Variants in CNTLN observed in about 807,000 individuals in gnomAD.
CNTLN encodes the protein centlein, centrosomal protein.
CNTLN carries 212 observed loss-of-function variants against 180.0 expected under a neutral mutation model. That is an observed-to-expected ratio of 1.18 (90% CI 1.05 to 1.32). The LOEUF (loss-of-function observed/expected upper bound fraction) is 1.32, where lower values mean the gene tolerates loss of function less well. Ranked by LOEUF, CNTLN falls within the 40% of genes most tolerant of loss-of-function variation. CNTLN has a pLI of 0.00. For missense variants in CNTLN, 2,095 were observed against 1,610.9 expected (o/e 1.30, Z -5.14); for synonymous variants, 722 against 563.1 (o/e 1.28, Z -3.99).
intron 18 of CNTLN, among the ~76,000 whole-genome samples, chr9:17,420,034 C>T (rs1344892255): frequency 6.6e-6 from 1 of 152,172 alleles, no homozygotes; most frequent in Non-Finnish European, 1.5e-5. Context: ...TCTGGCTCAG[C>T]CTCCTGAGTA....
chr9:17,273,437 ATGTATTAC>A (rs61214105), intron 5 of CNTLN, among the ~76,000 whole-genome samples: 17,964 of 152,092 alleles, frequency 0.12, 1,321 homozygotes, highest in African/African-American at 0.21. Context: ...TGTTCAGCTA[ATGTATTAC>A]TTTATTGTAC....
At chr9:17,360,160 C>T (rs947830305) in intron 12 of CNTLN, among the ~76,000 whole-genome samples, 34 of 152,086 alleles carry the variant, frequency 2.2e-4, no homozygotes, top group African/African-American at 8.2e-4. Flanking sequence ...CAAAATAATT[C>T]CTAGTTCCTC....
At position 17,155,236 on chromosome 9, in the gene CNTLN, T is replaced by C. The variant is rs1245571293; in HGVS notation, c.449+11860T>C. Reference sequence around the variant, plus strand: ...AGGGTCCGCAGCTTCATTCGTGAAGTCAGCGAGACCAAGAACCCACTAGAA... The same window carrying C: ...AGGGTCCGCAGCTTCATTCGTGAAGCCAGCGAGACCAAGAACCCACTAGAA... On this transcript the variant is annotated intron_variant, in intron 2 of 25. Coordinates refer to ENST00000380647, the MANE Select transcript of CNTLN (RefSeq NM_017738.4). Among the ~76,000 whole-genome samples, 3 of 152,178 alleles carry C rather than the reference T, an allele frequency of 2.0e-5. No individual in the cohort carries two copies. In the East Asian group the frequency reaches 5.8e-4, roughly 29 times the overall value.
chr9:17,342,245 A>G (rs1821538725), intron 11 of CNTLN, 80 bp from the exon 12 acceptor site: 1 of 1,401,766 alleles, frequency 7.1e-7, no homozygotes, highest in African/African-American at 1.5e-5. Context: ...AGATATTTTT[A>G]AATTTTAAGG....
At chr9:17,324,094 T>C (rs1444451474) in intron 8 of CNTLN, among the ~76,000 whole-genome samples, 1 of 152,194 alleles carries the variant, frequency 6.6e-6, no homozygotes, top group Non-Finnish European at 1.5e-5. Flanking sequence ...TGATAATGTA[T>C]AACAAGCATA....
At chr9:17,246,454 A>G (rs114153822) in intron 5 of CNTLN, among the ~76,000 whole-genome samples, 3,303 of 152,268 alleles carry the variant, frequency 0.022, 133 homozygotes, top group African/African-American at 0.076. Flanking sequence ...TGACACAAGC[A>G]CCCCTGTGAC....
At chr9:17,354,443 G>T (rs1043243267) in intron 12 of CNTLN, among the ~76,000 whole-genome samples, 2 of 152,146 alleles carry the variant, frequency 1.3e-5, no homozygotes, top group African/African-American at 2.4e-5. Flanking sequence ...CTAGCTCAGG[G>T]ATTGTAAATA....
chr9:17,328,572 C>T (rs1820450860), intron 8 of CNTLN, among the ~76,000 whole-genome samples: 2 of 152,116 alleles, frequency 1.3e-5, no homozygotes, highest in East Asian at 1.9e-4. Flanking sequence ...ATGTAAAACA[C>T]TTCTTGTAAA....
At chr9:17,428,045 G>A (rs993709135) in intron 18 of CNTLN, among the ~76,000 whole-genome samples, 2 of 152,148 alleles carry the variant, frequency 1.3e-5, no homozygotes, top group Admixed American at 6.5e-5. Context: ...TACAGAGAGT[G>A]CATTGTAATT....
chr9:17,412,564 A>G (rs1325006969), intron 16 of CNTLN, among the ~76,000 whole-genome samples: 2 of 152,224 alleles, frequency 1.3e-5, no homozygotes, highest in African/African-American at 2.4e-5. Flanking sequence ...CTTTCAGGGC[A>G]GTATTCAATA....
chr9:17,318,291 A>G (rs1819669565), intron 8 of CNTLN, among the ~76,000 whole-genome samples: 1 of 152,012 alleles, frequency 6.6e-6, no homozygotes, highest in African/African-American at 2.4e-5. Flanking sequence ...GGCCTCCCAA[A>G]GTGCTGGGAT....
chr9:17,295,891 A>G (rs1309045557), intron 6 of CNTLN, among the ~76,000 whole-genome samples: 1 of 152,080 alleles, frequency 6.6e-6, no homozygotes, highest in African/African-American at 2.4e-5. Context: ...GAGGTGGTAG[A>G]GAAAAATGTG....
chr9:17,341,597 A>G (rs1455395908), intron 11 of CNTLN, among the ~76,000 whole-genome samples: 1 of 152,172 alleles, frequency 6.6e-6, no homozygotes, highest in African/African-American at 2.4e-5. Flanking sequence ...TCATCTTTTG[A>G]GATGGATCCT....
chr9:17,188,735 A>G (rs1821594394), intron 2 of CNTLN, among the ~76,000 whole-genome samples: 1 of 152,112 alleles, frequency 6.6e-6, no homozygotes, highest in African/African-American at 2.4e-5. Context: ...TTTCACATCT[A>G]GAGGTTCCAT....
intron 2 of CNTLN, among the ~76,000 whole-genome samples, chr9:17,184,900 G>A (rs936247294): frequency 8.5e-5 from 13 of 152,162 alleles, no homozygotes; most frequent in Non-Finnish European, 1.5e-4. Context: ...AGGATTGTAG[G>A]TTAGAGTGAA....
intron 18 of CNTLN, among the ~76,000 whole-genome samples, chr9:17,456,438 T>C (rs1392611573): frequency 6.6e-6 from 1 of 152,178 alleles, no homozygotes; most frequent in Non-Finnish European, 1.5e-5. Flanking sequence ...TATCAAGTTC[T>C]AGTTTTGAGT....
chr9:17,281,435 C>T (rs1828655929), intron 6 of CNTLN, among the ~76,000 whole-genome samples: 1 of 152,010 alleles, frequency 6.6e-6, no homozygotes, highest in Admixed American at 6.6e-5. Flanking sequence ...GATGTTCTCC[C>T]TCTCCCCGCA....
At position 17,433,020 on chromosome 9, in the gene CNTLN, CA is replaced by C. The variant is rs557721017; in HGVS notation, c.3114+16849del. ...TGGGTGACAGAGCAAGACTCTGTCT[CA>C]AAAAAAAAAAAAAAAAACAAAGATT... On this transcript the variant is annotated intron_variant, in intron 18 of 25. Coordinates refer to ENST00000380647, the MANE Select transcript of CNTLN (RefSeq NM_017738.4). Among the ~76,000 whole-genome samples the C allele has an allele frequency of 1.2e-3, 127 of 102,310 alleles. 1 individual carries two copies. Among genetic ancestry groups the C allele is most frequent in the African/African-American group, 4.5e-3 (110 of 24,348 alleles). 67.1% of individuals were successfully genotyped at this position (102,310 alleles called of 152,430 possible).
At chr9:17,333,604 G>T (rs1417120788) in intron 10 of CNTLN, among the ~76,000 whole-genome samples, 1 of 152,064 alleles carries the variant, frequency 6.6e-6, no homozygotes, top group African/African-American at 2.4e-5. Flanking sequence ...ACAAAATAGG[G>T]TTTATGGGTA....
Sources: gnomAD v4.1 joint callset for allele counts (sites outside exome capture counted in the v4.1 genomes callset) on GRCh38, gnomAD v4.1.1 for gene constraint, MANE v1.5 for transcripts, NCBI Gene and HGNC (gene_info 2026-07-23, HGNC 2026-07-21) for gene names.